ACTA2: variants seen among roughly 807,000 people sequenced by gnomAD.
The protein encoded by ACTA2 is actin alpha 2, smooth muscle.
ACTA2 carries 12 observed loss-of-function variants against 39.5 expected under a neutral mutation model. The observed-to-expected ratio is 0.30, with a 90% CI of 0.19 to 0.49. The LOEUF (loss-of-function observed/expected upper bound fraction) is 0.49. Among genes scored for constraint, ACTA2 ranks in the 20% least tolerant of loss-of-function variants. The probability of loss-of-function intolerance (pLI) is 0.99; values close to 1 mark genes in which losing one functional copy is unlikely to be tolerated. For missense variants in ACTA2, 236 were observed against 498.8 expected, an observed-to-expected ratio of 0.47 and a Z score of 5.02; for synonymous variants, 158 against 180.6, an observed-to-expected ratio of 0.88 and a Z score of 1.00.
At chr10:88,977,406 T>C (rs1359009020) in intron 1 of ACTA2, among the ~76,000 whole-genome samples, 1 of 151,712 alleles carries the variant, frequency 6.6e-6, no homozygotes, top group Non-Finnish European at 1.5e-5. Flanking sequence ...CCCAGCACCA[T>C]TTATTAAATA....
rs778357057 is a variant in ACTA2 at position 88,990,953 on chromosome 10, G to A, written c.-38C>T. On this transcript the variant is annotated 5_prime_UTR_variant, in exon 1 of 5. Transcript: ENST00000415557. The surrounding 1 kb of genome is among the most constrained non-coding windows in gnomAD (Gnocchi z 4.9). ...TGGAGGCTTACCCCGTCTTAGTCCC[G>A]GGGATAGGCAAAGTGGGGCGGGCGC... 1.2e-6 allele frequency: 2 copies of A among 1,613,514 alleles called. No individual in the cohort carries two copies. The highest frequency in any genetic ancestry group is 1.7e-5 in the Admixed American group (1 of 59,992).
Position 88,948,887 on chromosome 10 carries a change from C to G in ACTA2, c.44G>C (p.Gly15Ala). ...EDSTALVCDN[G>A]SGLCKAGFAG... Reference sequence around the variant, plus strand: ...AAAGCCGGCCTTACAGAGCCCAGAGCCATTGTCACACACCAAGGCAGTGCT... The same window carrying G: ...AAAGCCGGCCTTACAGAGCCCAGAGGCATTGTCACACACCAAGGCAGTGCT... Residue 15 changes from glycine to alanine, a missense_variant, in exon 2 of 9, where the codon GGC (glycine) becomes GCC (alanine). Coordinates refer to ENST00000224784, the MANE Select transcript of ACTA2 (RefSeq NM_001613.4). 6.2e-7 allele frequency: 1 copy of G among 1,613,926 alleles called. No homozygotes were observed. The highest frequency in any genetic ancestry group is 8.5e-7 in the Non-Finnish European group (1 of 1,179,882).
intron 4 of ACTA2, 88 bp downstream of exon 4, chr10:88,943,709 G>A (rs773078181): frequency 3.6e-5 from 40 of 1,109,964 alleles, no homozygotes; most frequent in African/African-American, 1.5e-4. Context: ...TCCTAGCTCC[G>A]GCCTTCTCTC....
At chr10:88,957,711 T>G (rs1182592370), upstream of ACTA2, among the ~76,000 whole-genome samples, 1 of 152,180 alleles carries the variant, frequency 6.6e-6, no homozygotes, top group Non-Finnish European at 1.5e-5. Flanking sequence ...TTTAGCACAC[T>G]TTACATATCC....
chr10:88,973,459 C>T, intron 1 of ACTA2: 1 of 913,822 alleles, frequency 1.1e-6, no homozygotes, highest in South Asian at 2.8e-5. Context: ...TAAAGAAAAA[C>T]ACGTCATTTC....
At chr10:88,977,379 T>C (rs1417400503) in intron 1 of ACTA2, among the ~76,000 whole-genome samples, 1 of 151,556 alleles carries the variant, frequency 6.6e-6, no homozygotes, top group Admixed American at 6.6e-5. Flanking sequence ...GCTTTCTACA[T>C]ATGGCTAGCC....
At chr10:88,984,397 G>A (rs1418914721) in intron 1 of ACTA2, among the ~76,000 whole-genome samples, 1 of 152,084 alleles carries the variant, frequency 6.6e-6, no homozygotes, top group Non-Finnish European at 1.5e-5. Context: ...TTAAGAGTGA[G>A]TAGGAATGGA....
intron 1 of ACTA2, among the ~76,000 whole-genome samples, chr10:88,964,664 C>T (rs976619250): frequency 6.6e-6 from 1 of 152,062 alleles, no homozygotes; most frequent in African/African-American, 2.4e-5. Flanking sequence ...GTATCTACTT[C>T]TCGATTGCTT....
At chr10:88,989,565 C>T in intron 1 of ACTA2, 1 of 541,834 alleles carries the variant, frequency 1.8e-6, no homozygotes, top group Non-Finnish European at 3.7e-6. Context: ...CCTATCAACA[C>T]CTACAAGACT....
At chr10:88,948,758 AC>A (rs745845795) in intron 2 of ACTA2, 43 bp downstream of exon 2, 1 of 1,611,670 alleles carries the variant, frequency 6.2e-7, no homozygotes, top group Non-Finnish European at 8.5e-7. Context: ...ACACAGAGGA[AC>A]CTAATCTGTG....
chr10:88,986,415 G>C (rs1478171122), intron 1 of ACTA2, among the ~76,000 whole-genome samples: 1 of 152,184 alleles, frequency 6.6e-6, no homozygotes, highest in East Asian at 1.9e-4. Context: ...CCCAATTGCT[G>C]TCTGCTTTTT....
chr10:88,938,127 G>A lies in ACTA2; in HGVS notation c.924C>T (p.Tyr308=). Residue 308 remains tyrosine (Y), a synonymous_variant, in exon 8 of 9, where the codon TAC becomes TAT. Transcript: ENST00000224784. ...TCTGCATTCGGTCGGCAATGCCAGG[G>A]TACATAGTGGTGCCCCCTGATAGGA... ...NNVLSGGTTM[Y]PGIADRMQKE... 1 of 1,614,048 alleles carries A rather than the reference G, an allele frequency of 6.2e-7. No homozygotes were observed. The highest frequency in any genetic ancestry group is 8.5e-7 in the Non-Finnish European group (1 of 1,179,946).
chr10:88,984,260 A>G (rs745831910), intron 1 of ACTA2, among the ~76,000 whole-genome samples: 23 of 152,206 alleles, frequency 1.5e-4, no homozygotes, highest in Non-Finnish European at 3.1e-4. Context: ...TGCTGGAAGG[A>G]GTCAAGCTAA....
chr10:88,948,092 G>A lies in ACTA2; in HGVS notation c.130-706C>T, dbSNP rs148419236. 3.7e-3 allele frequency: 580 copies of A among 156,090 alleles called. 5 individuals carry two copies. The highest frequency in any genetic ancestry group is 0.013 in the African/African-American group (545 of 41,540). The allele number at this position is 156,090 out of a possible 1,614,324, so 9.7% of individuals were successfully genotyped here. A position where few individuals can be genotyped will look rare whatever the true frequency, so the allele number is the denominator to read the frequency against. The stretch of plus-strand genomic sequence containing the variant: ...GGCTACTATGGACCCATAAAATAGC[G>A]GCTTGTGCAGAATATCTCCACTGCA... On this transcript the variant is annotated intron_variant, in intron 2 of 8. Coordinates refer to ENST00000224784, the MANE Select transcript of ACTA2 (RefSeq NM_001613.4).
intron 1 of ACTA2, among the ~76,000 whole-genome samples, chr10:88,983,995 A>G (rs1409650020): frequency 6.6e-6 from 1 of 152,154 alleles, no homozygotes; most frequent in Admixed American, 6.5e-5. Flanking sequence ...CTTTAGATGC[A>G]TGCAGGTTTG....
At chr10:88,981,387 T>C (rs1312825837) in intron 1 of ACTA2, among the ~76,000 whole-genome samples, 1 of 151,864 alleles carries the variant, frequency 6.6e-6, no homozygotes, top group Admixed American at 6.6e-5. Flanking sequence ...AAATGACTTT[T>C]TTTTTTTAAA....
intron 1 of ACTA2, among the ~76,000 whole-genome samples, chr10:88,958,853 C>T (rs1005959593): frequency 1.3e-5 from 2 of 152,050 alleles, no homozygotes; most frequent in African/African-American, 4.8e-5. Context: ...TTCCTCGGTC[C>T]TCGGGGGGAA....
At chr10:88,981,835 G>A (rs757234005) in intron 1 of ACTA2, among the ~76,000 whole-genome samples, 8 of 152,150 alleles carry the variant, frequency 5.3e-5, no homozygotes, top group Non-Finnish European at 8.8e-5. Context: ...GAGGCAAACC[G>A]TCCCATTCAC....
intron 6 of ACTA2, chr10:88,940,148 G>C: frequency 4.0e-6 from 1 of 250,154 alleles, no homozygotes; most frequent in South Asian, 4.8e-5. Context: ...CAAAAAGTCT[G>C]AGATCCTGTT....
Sources: allele counts gnomAD v4.1 joint callset (sites outside exome capture counted in the v4.1 genomes callset), GRCh38; gene constraint gnomAD v4.1.1; non-coding constraint Gnocchi (gnomAD v3.1); transcripts MANE v1.5; gene names NCBI Gene and HGNC (gene_info 2026-07-23, HGNC 2026-07-21).